The following ERC2 variants were observed in gnomAD, a reference collection of about 807,000 sequenced individuals.
ERC2 encodes the protein ELKS/RAB6-interacting/CAST family member 2, also known as ERC protein 2.
A neutral mutation model predicts 114.8 loss-of-function variants in ERC2; 42 were observed. That is an observed-to-expected ratio of 0.37 (90% CI 0.29 to 0.47). ERC2 has a LOEUF of 0.47. Ranked by LOEUF, ERC2 falls within the 20% of genes least tolerant of loss-of-function variation. The pLI, the probability that ERC2 is intolerant of heterozygous loss-of-function variation, is 0.99. For synonymous variants in ERC2, 454 were observed against 425.5 expected, an observed-to-expected ratio of 1.07 and a Z score of -0.82; for missense variants, 939 against 1,150.7, an observed-to-expected ratio of 0.82 and a Z score of 2.66.
At chr3:55,724,505 C>T (rs1414479996) in intron 15 of ERC2, among the ~76,000 whole-genome samples, 1 of 152,190 alleles carries the variant, frequency 6.6e-6, no homozygotes, top group Non-Finnish European at 1.5e-5. Context: ...CCAGCTGTGG[C>T]ATCTCTGCAT....
chr3:55,603,200 G>C (rs1322634266), intron 17 of ERC2, among the ~76,000 whole-genome samples: 1 of 152,122 alleles, frequency 6.6e-6, no homozygotes, highest in Non-Finnish European at 1.5e-5. Flanking sequence ...AGCAAATAAT[G>C]TCTAAAACCA....
In ERC2 at chr3:56,244,395, A is replaced by G. The variant is rs139550938; in HGVS notation, c.1074+51624T>C. 2.8e-3 allele frequency among the ~76,000 whole-genome samples: 420 copies of G among 152,122 alleles called. 1 individual carries two copies. The highest frequency in any genetic ancestry group is 9.8e-3 in the African/African-American group (407 of 41,516). ...TTTTGGAGTGTGCTCCTTCAATGTA[A>G]ATTTTTTAAAATTTAACTGTAAAAC... is the stretch of plus-strand genomic sequence containing the variant. On this transcript the variant is annotated intron_variant, in intron 3 of 17. Coordinates refer to ENST00000288221, the MANE Select transcript of ERC2 (RefSeq NM_015576.3).
At chr3:55,533,391 A>C (rs2053790272) in intron 17 of ERC2, among the ~76,000 whole-genome samples, 1 of 152,188 alleles carries the variant, frequency 6.6e-6, no homozygotes, top group Non-Finnish European at 1.5e-5. Context: ...GACAGTATTC[A>C]CACGAATCAC....
intron 17 of ERC2, among the ~76,000 whole-genome samples, chr3:55,586,972 A>C (rs969311048): frequency 6.6e-6 from 1 of 152,172 alleles, no homozygotes; most frequent in African/African-American, 2.4e-5. Flanking sequence ...TCCCTCCCCT[A>C]GTCCTGAAGT....
At chr3:55,747,904 T>C (rs1295593090) in intron 14 of ERC2, among the ~76,000 whole-genome samples, 1 of 152,232 alleles carries the variant, frequency 6.6e-6, no homozygotes, top group Non-Finnish European at 1.5e-5. Flanking sequence ...TATTCCTAAA[T>C]TATAAAAAGT....
chr3:55,826,396 C>A (rs553445864), intron 14 of ERC2, among the ~76,000 whole-genome samples: 1 of 152,166 alleles, frequency 6.6e-6, no homozygotes, highest in African/African-American at 2.4e-5. Flanking sequence ...CTACCAGAAT[C>A]TGGACTCAGA....
chr3:55,821,291 A>G (rs2060112513), intron 14 of ERC2, among the ~76,000 whole-genome samples: 1 of 151,882 alleles, frequency 6.6e-6, no homozygotes, highest in Admixed American at 6.6e-5. Flanking sequence ...AACCAAAATG[A>G]CCCCATCTCT....
At chr3:55,868,054 A>T (rs967492824) in intron 14 of ERC2, among the ~76,000 whole-genome samples, 4 of 152,176 alleles carry the variant, frequency 2.6e-5, no homozygotes, top group Non-Finnish European at 4.4e-5. Flanking sequence ...CCATGACGAT[A>T]GCTTACCTCC....
At chr3:56,254,657 G>A (rs2052397768) in intron 3 of ERC2, among the ~76,000 whole-genome samples, 2 of 152,170 alleles carry the variant, frequency 1.3e-5, no homozygotes, top group South Asian at 2.1e-4. Context: ...GGATCTGAAA[G>A]CCCAAAATGA....
chr3:56,117,665 T>C (rs575004161), intron 6 of ERC2, among the ~76,000 whole-genome samples: 13 of 152,252 alleles, frequency 8.5e-5, no homozygotes, highest in South Asian at 6.2e-4. Context: ...GTTTGACACA[T>C]ATAGAGTGCT....
chr3:56,132,836 C>T (rs148575727), intron 6 of ERC2, among the ~76,000 whole-genome samples: 197 of 152,144 alleles, frequency 1.3e-3, no homozygotes, highest in African/African-American at 3.6e-3. Flanking sequence ...TATATATAAA[C>T]GTCTTTAAAC....
chr3:56,067,854 G>A (rs754424142), intron 7 of ERC2, among the ~76,000 whole-genome samples: 7 of 152,104 alleles, frequency 4.6e-5, no homozygotes, highest in Non-Finnish European at 7.3e-5. Context: ...ATTGATTTGC[G>A]TATGTTGAAC....
rs79901218 is a variant in ERC2 at position 56,411,728 on chromosome 3, T to C, written c.657+22623A>G. ...TAGAAAACTGAGGCCCAGAAGGGTT[T>C]GGTGACTTTTCCAAAGTCACAGGGC... is the stretch of plus-strand genomic sequence containing the variant. On this transcript the variant is annotated intron_variant, in intron 2 of 17. Transcript: ENST00000288221. Among the ~76,000 whole-genome samples the C allele has an allele frequency of 2.5e-3, 386 of 152,314 alleles. 9 individuals carry two copies. In the East Asian group the frequency reaches 0.066, roughly 26 times the overall value.
chr3:56,145,484 T>C (rs1575582879), intron 5 of ERC2, among the ~76,000 whole-genome samples: 1 of 152,218 alleles, frequency 6.6e-6, no homozygotes, highest in Non-Finnish European at 1.5e-5. Context: ...AAGTAATTCA[T>C]GCTTTCCATG....
chr3:56,345,097 T>C (rs1319570470), intron 2 of ERC2, among the ~76,000 whole-genome samples: 2 of 152,238 alleles, frequency 1.3e-5, no homozygotes, highest in African/African-American at 2.4e-5. Flanking sequence ...CCCAAGTCTC[T>C]TCTGGTAAAT....
intron 17 of ERC2, among the ~76,000 whole-genome samples, chr3:55,514,237 A>C (rs1045164766): frequency 6.6e-6 from 1 of 152,130 alleles, no homozygotes; most frequent in Non-Finnish European, 1.5e-5. Flanking sequence ...TCTCCACAAA[A>C]AAAGTTAAAA....
At chr3:55,926,102 T>C (rs2065733085) in intron 13 of ERC2, among the ~76,000 whole-genome samples, 1 of 152,198 alleles carries the variant, frequency 6.6e-6, no homozygotes. Flanking sequence ...TTTCTACAAC[T>C]TTTAAAATAT....
chr3:56,089,690 A>G (rs1240429004), intron 6 of ERC2, among the ~76,000 whole-genome samples: 1 of 152,122 alleles, frequency 6.6e-6, no homozygotes, highest in Non-Finnish European at 1.5e-5. Flanking sequence ...GTGAAGGTCT[A>G]TGACTCCTGT....
At chr3:56,177,572 C>T (rs1196260781) in intron 3 of ERC2, among the ~76,000 whole-genome samples, 1 of 152,200 alleles carries the variant, frequency 6.6e-6, no homozygotes, top group Non-Finnish European at 1.5e-5. Context: ...CACAAAAGCA[C>T]ATGCAAGCAA....
Sources: gnomAD v4.1 joint callset for allele counts (sites outside exome capture counted in the v4.1 genomes callset) on GRCh38, gnomAD v4.1.1 for gene constraint, MANE v1.5 for transcripts, NCBI Gene and HGNC (gene_info 2026-07-23, HGNC 2026-07-21) for gene names.